The following IMMP2L variants were observed in gnomAD, a reference collection of about 807,000 sequenced individuals.
IMMP2L encodes the protein inner mitochondrial membrane peptidase subunit 2, also known as mitochondrial inner membrane protease subunit 2.
A neutral mutation model predicts 19.3 loss-of-function variants in IMMP2L; 18 were observed. The ratio of observed to expected loss-of-function variants is 0.93; its 90% CI spans 0.64 to 1.38. The LOEUF is 1.38. Among genes scored for constraint, IMMP2L ranks in the 40% most tolerant of loss-of-function variants. IMMP2L has a pLI of 0.00. For missense variants in IMMP2L, 233 were observed against 218.2 expected (o/e 1.07, Z -0.43); for synonymous variants, 76 against 73.0 (o/e 1.04, Z -0.21).
chr7:111,109,355 C>A (rs1303922901), intron 3 of IMMP2L, among the ~76,000 whole-genome samples: 1 of 151,842 alleles, frequency 6.6e-6, no homozygotes, highest in Non-Finnish European at 1.5e-5. Flanking sequence ...ACTACAAAAG[C>A]ATCTTAATTA....
At chr7:110,986,440 G>T (rs909670652) in intron 3 of IMMP2L, among the ~76,000 whole-genome samples, 4 of 152,082 alleles carry the variant, frequency 2.6e-5, no homozygotes, top group Non-Finnish European at 5.9e-5. Flanking sequence ...CTTTTTTAAA[G>T]AGGCCATTAA....
intron 3 of IMMP2L, among the ~76,000 whole-genome samples, chr7:111,001,899 T>C (rs1823741810): frequency 1.3e-5 from 2 of 152,158 alleles, no homozygotes; most frequent in South Asian, 4.1e-4. Context: ...GAGAACTCCC[T>C]ACAGCTAGGT....
At chr7:111,192,590 T>C (rs1404360417) in intron 3 of IMMP2L, among the ~76,000 whole-genome samples, 1 of 152,106 alleles carries the variant, frequency 6.6e-6, no homozygotes, top group East Asian at 1.9e-4. Flanking sequence ...TGACAACAGA[T>C]ACAAATCAGT....
chr7:111,487,602 C>A (rs377281645), intron 2 of IMMP2L, among the ~76,000 whole-genome samples: 1 of 151,942 alleles, frequency 6.6e-6, no homozygotes, highest in Non-Finnish European at 1.5e-5. Flanking sequence ...TTAGTAAACT[C>A]CAATAAAGAG....
At chr7:110,902,222 A>C (rs529001986) in intron 4 of IMMP2L, among the ~76,000 whole-genome samples, 1 of 152,068 alleles carries the variant, frequency 6.6e-6, no homozygotes, top group African/African-American at 2.4e-5. Context: ...AAAACACCAA[A>C]AAAATGTGAT....
At chr7:110,968,358 T>C (rs1022448817) in intron 3 of IMMP2L, among the ~76,000 whole-genome samples, 3 of 151,916 alleles carry the variant, frequency 2.0e-5, no homozygotes, top group African/African-American at 7.3e-5. Flanking sequence ...GCAACCCTAG[T>C]AGCACATTCT....
chr7:110,845,490 A>C (rs1459005318), intron 5 of IMMP2L, among the ~76,000 whole-genome samples: 1 of 152,110 alleles, frequency 6.6e-6, no homozygotes. Flanking sequence ...CCGGGGTAAA[A>C]TAAACTTTTA....
chr7:110,701,285 T>C (rs751836028), intron 5 of IMMP2L, among the ~76,000 whole-genome samples: 4 of 152,222 alleles, frequency 2.6e-5, no homozygotes, highest in Non-Finnish European at 5.9e-5. Flanking sequence ...CTGCCCCTAA[T>C]AGCAAATTAC....
chr7:111,539,258 GAA>G (rs1338226013), intron 1 of IMMP2L, among the ~76,000 whole-genome samples: 5 of 142,844 alleles, frequency 3.5e-5, no homozygotes, highest in Non-Finnish European at 6.2e-5. Context: ...AAGAAAGAAA[GAA>G]AGAAAGAAAG....
At chr7:111,163,136 A>G (rs1394515565) in intron 3 of IMMP2L, among the ~76,000 whole-genome samples, 1 of 152,092 alleles carries the variant, frequency 6.6e-6, no homozygotes, top group Admixed American at 6.6e-5. Flanking sequence ...AGATGCAAAC[A>G]TTCTGGGAGA....
Position 111,336,498 on chromosome 7 carries a change from G to A in IMMP2L, c.239+150740C>T, listed in dbSNP as rs555723337. Reference sequence around the variant, plus strand: ...ATGTTTTATCTATCTTTGATTTGGGGTGGATCTCTCAATACTATCTTTCAG... The same window carrying A: ...ATGTTTTATCTATCTTTGATTTGGGATGGATCTCTCAATACTATCTTTCAG... On this transcript the variant is annotated intron_variant, in intron 3 of 5. Transcript: ENST00000405709. Among the ~76,000 whole-genome samples, 192 of 152,072 alleles carry A rather than the reference G, an allele frequency of 1.3e-3. 1 individual carries two copies. Among genetic ancestry groups the A allele is most frequent in the Admixed American group, 3.0e-3 (46 of 15,234 alleles).
chr7:111,148,033 T>C (rs1396339538), intron 3 of IMMP2L, among the ~76,000 whole-genome samples: 2 of 152,080 alleles, frequency 1.3e-5, no homozygotes, highest in African/African-American at 4.8e-5. Flanking sequence ...CGAAAACATA[T>C]GTCTATGCTA....
intron 3 of IMMP2L, among the ~76,000 whole-genome samples, chr7:111,383,222 G>A (rs988623763): frequency 1.3e-5 from 2 of 152,014 alleles, no homozygotes; most frequent in Non-Finnish European, 2.9e-5. Flanking sequence ...CCTTCCCAAG[G>A]CAAGAGTCAT....
At chr7:111,065,900 A>ATGTGTG (rs71151828) in intron 3 of IMMP2L, among the ~76,000 whole-genome samples, 38 of 150,714 alleles carry the variant, frequency 2.5e-4, no homozygotes, top group African/African-American at 8.8e-4. Context: ...CCCTAATACA[A>ATGTGTG]TGTGTGTGTG....
At chr7:111,367,087 G>A (rs1829837330) in intron 3 of IMMP2L, among the ~76,000 whole-genome samples, 1 of 151,102 alleles carries the variant, frequency 6.6e-6, no homozygotes, top group African/African-American at 2.4e-5. Flanking sequence ...GGAGAGAGGA[G>A]GAACGCACAG....
intron 4 of IMMP2L, among the ~76,000 whole-genome samples, chr7:110,935,813 A>T (rs374787509): frequency 6.6e-6 from 1 of 152,220 alleles, no homozygotes; most frequent in Non-Finnish European, 1.5e-5. Context: ...ACAAGGCTAC[A>T]GTAACCAAAA....
intron 3 of IMMP2L, among the ~76,000 whole-genome samples, chr7:111,466,024 G>A (rs1294234141): frequency 2.0e-5 from 3 of 152,078 alleles, no homozygotes; most frequent in African/African-American, 7.2e-5. Context: ...GTCCTTTGTA[G>A]GGACATGGAT....
intron 3 of IMMP2L, among the ~76,000 whole-genome samples, chr7:111,093,728 G>GT (rs1797105331): frequency 6.6e-6 from 1 of 152,156 alleles, no homozygotes; most frequent in South Asian, 2.1e-4. Flanking sequence ...GTGTGTGCCA[G>GT]TGAGTTTGGT....
chr7:111,278,225 A>G (rs1281548472), intron 3 of IMMP2L, among the ~76,000 whole-genome samples: 3 of 152,228 alleles, frequency 2.0e-5, no homozygotes. Flanking sequence ...AAATATACAA[A>G]CAAATAATTT....
Sources: allele counts gnomAD v4.1 joint callset (sites outside exome capture counted in the v4.1 genomes callset), GRCh38; gene constraint gnomAD v4.1.1; transcripts MANE v1.5; gene names NCBI Gene and HGNC (gene_info 2026-07-23, HGNC 2026-07-21).